Variants in DPP10 observed in about 807,000 individuals in gnomAD.
The protein encoded by DPP10 is dipeptidyl peptidase like 10.
Under a neutral mutation model 120.9 loss-of-function variants are expected in DPP10, and 33 were observed. The ratio of observed to expected loss-of-function variants is 0.27; its 90% CI spans 0.21 to 0.37. The LOEUF (loss-of-function observed/expected upper bound fraction) is 0.37. DPP10 is among the 10% of genes least tolerant of loss of function. DPP10 has a pLI of 1.00. For synonymous variants in DPP10, 337 were observed against 326.1 expected (o/e 1.03, Z -0.36); for missense variants, 816 against 942.8 (o/e 0.87, Z 1.76).
chr2:115,063,297 A>G (rs1706566854), intron 1 of DPP10, among the ~76,000 whole-genome samples: 1 of 152,208 alleles, frequency 6.6e-6, no homozygotes, highest in Non-Finnish European at 1.5e-5. Flanking sequence ...GGCCTTTGTC[A>G]GATGGAGAGA....
At chr2:115,118,741 A>C (rs1455118697) in intron 1 of DPP10, among the ~76,000 whole-genome samples, 1 of 144,376 alleles carries the variant, frequency 6.9e-6, no homozygotes, top group East Asian at 2.2e-4. Flanking sequence ...CACCACACAC[A>C]GCTAATTGTG....
At chr2:114,987,928 C>A (rs535251083) in intron 1 of DPP10, among the ~76,000 whole-genome samples, 1 of 151,604 alleles carries the variant, frequency 6.6e-6, no homozygotes, top group Admixed American at 6.6e-5. Context: ...CTCAGTCTCC[C>A]GAGTAGCTGG....
At chr2:114,878,954 A>G (rs1691381702) in intron 1 of DPP10, among the ~76,000 whole-genome samples, 2 of 152,108 alleles carry the variant, frequency 1.3e-5, no homozygotes, top group Non-Finnish European at 2.9e-5. Flanking sequence ...CTTTATTTGT[A>G]ACATATATAC....
rs1682683693 is a variant in DPP10 at position 115,780,908 on chromosome 2, A to G, written c.1396A>G (p.Ile466Val). 2 of 1,603,890 alleles carry G rather than the reference A, an allele frequency of 1.2e-6. No homozygotes were observed. Among genetic ancestry groups the G allele is most frequent in the African/African-American group, 1.3e-5 (1 of 74,694 alleles). ...TGAAGGATTATTGAATCGCCAATGC[A>G]TTTCATGTAATTTCATGAAAGAACA... The part of the protein sequence containing the change: ...STEGLLNRQC[I>V]SCNFMKEQCT... The change falls in exon 16 of 26, where the codon ATT becomes GTT. Residue 466 changes from isoleucine to valine, a missense_variant. Transcript: ENST00000410059.
intron 1 of DPP10, among the ~76,000 whole-genome samples, chr2:114,934,457 C>T (rs4849359): frequency 0.16 from 24,631 of 151,890 alleles, 2,151 homozygotes; most frequent in Admixed American, 0.23. Context: ...GGGAGTGAAA[C>T]ATCATAAAGG....
At chr2:115,583,949 A>T (rs1396290618) in intron 5 of DPP10, among the ~76,000 whole-genome samples, 1 of 152,154 alleles carries the variant, frequency 6.6e-6, no homozygotes, top group African/African-American at 2.4e-5. Flanking sequence ...CAAAAAGTGG[A>T]AAGTAGTTAA....
At chr2:115,427,859 T>C (rs143858493) in intron 3 of DPP10, among the ~76,000 whole-genome samples, 2 of 152,350 alleles carry the variant, frequency 1.3e-5, no homozygotes, top group African/African-American at 4.8e-5. Flanking sequence ...TATGCTCTGC[T>C]TCTCTTTTAA....
intron 1 of DPP10, among the ~76,000 whole-genome samples, chr2:114,804,368 C>G (rs1684539558): frequency 6.6e-6 from 1 of 150,394 alleles, no homozygotes; most frequent in African/African-American, 2.4e-5. Flanking sequence ...TGGGTCACTG[C>G]CTGGTGGAGC....
chr2:114,904,322 G>C (rs1325579394), intron 1 of DPP10, among the ~76,000 whole-genome samples: 3 of 152,194 alleles, frequency 2.0e-5, no homozygotes, highest in Non-Finnish European at 4.4e-5. Context: ...AGTGAGACTT[G>C]TTATAAAATC....
rs2056027658 is a variant in DPP10, at chr2:115,205,073, TGTGC to T, written c.61-104165_61-104162del. Among the ~76,000 whole-genome samples the T allele has an allele frequency of 1.4e-4, 21 of 152,344 alleles. No individual in the cohort carries two copies. The South Asian group carries it at 4.1e-3, about 30-fold the overall frequency. On this transcript the variant is annotated intron_variant, in intron 1 of 25. Transcript: ENST00000410059. ...TTACTTTGTATATAGTTTCTTTTGC[TGTGC>T]AGAGGCTGTTTAGTTTAATTAGGTC...
At chr2:114,460,206 T>TATC (rs1292127293) in intron 1 of DPP10, among the ~76,000 whole-genome samples, 1 of 151,800 alleles carries the variant, frequency 6.6e-6, no homozygotes, top group Non-Finnish European at 1.5e-5. Flanking sequence ...TCTATCTATC[T>TATC]ATCTATCTAT....
intron 3 of DPP10, among the ~76,000 whole-genome samples, chr2:115,462,072 G>A (rs2074019932): frequency 6.6e-6 from 1 of 152,216 alleles, no homozygotes; most frequent in Middle Eastern, 3.4e-3. Context: ...ACAATCCAAA[G>A]GTGCCTCAAG....
chr2:114,840,739 G>T (rs1688090779), intron 1 of DPP10, among the ~76,000 whole-genome samples: 1 of 152,066 alleles, frequency 6.6e-6, no homozygotes, highest in Admixed American at 6.6e-5. Flanking sequence ...TACACTTTGT[G>T]GTTCTTCTTT....
chr2:114,595,224 C>T (rs894049215), intron 1 of DPP10, among the ~76,000 whole-genome samples: 13 of 152,134 alleles, frequency 8.5e-5, no homozygotes, highest in African/African-American at 3.1e-4. Flanking sequence ...ACACAGACCA[C>T]ATATTGAGAA....
At chr2:114,895,808 T>A (rs1166711894) in intron 1 of DPP10, among the ~76,000 whole-genome samples, 2 of 152,208 alleles carry the variant, frequency 1.3e-5, no homozygotes, top group Non-Finnish European at 2.9e-5. Flanking sequence ...ACTAACTATG[T>A]AACCCCAGGG....
chr2:115,711,465 T>C (rs2092313377), intron 7 of DPP10, among the ~76,000 whole-genome samples: 1 of 152,146 alleles, frequency 6.6e-6, no homozygotes, highest in Non-Finnish European at 1.5e-5. Flanking sequence ...AAATGGAGTT[T>C]AAGATTACTC....
chr2:115,172,338 C>T (rs4356670), intron 1 of DPP10, among the ~76,000 whole-genome samples: 65,915 of 150,180 alleles, frequency 0.44, 14,440 homozygotes, highest in Middle Eastern at 0.46. Flanking sequence ...GAGCCCAGAT[C>T]GCGCCACTGC....
chr2:115,353,209 G>A (rs17044245), intron 3 of DPP10, among the ~76,000 whole-genome samples: 2,856 of 152,098 alleles, frequency 0.019, 94 homozygotes, highest in African/African-American at 0.064. Context: ...AAATTCAGTC[G>A]CAGTCTAGAG....
chr2:114,498,965 G>T (rs558518608), intron 1 of DPP10, among the ~76,000 whole-genome samples: 1 of 152,180 alleles, frequency 6.6e-6, no homozygotes, highest in South Asian at 2.1e-4. Flanking sequence ...ATACTATTCC[G>T]CTTTAAAGAA....
Sources: allele counts gnomAD v4.1 joint callset (sites outside exome capture counted in the v4.1 genomes callset), GRCh38; gene constraint gnomAD v4.1.1; transcripts MANE v1.5; gene names NCBI Gene and HGNC (gene_info 2026-07-23, HGNC 2026-07-21).